Variants in TAX1BP1 observed in about 807,000 individuals in gnomAD.
TAX1BP1 encodes Tax1 binding protein 1.
TAX1BP1 carries 62 observed loss-of-function variants against 97.7 expected under a neutral mutation model. The observed-to-expected ratio is 0.63, with a 90% CI of 0.52 to 0.78. The LOEUF is 0.78. TAX1BP1 is among the 30% of genes least tolerant of loss of function. The pLI is 0.00. For synonymous variants in TAX1BP1, 340 were observed against 304.2 expected (o/e 1.12, Z -1.23); for missense variants, 867 against 916.1 (o/e 0.95, Z 0.69).
chr7:27,803,298 C>A, intron 13 of TAX1BP1: 1 of 1,018,004 alleles, frequency 9.8e-7, no homozygotes, highest in South Asian at 3.1e-5. Context: ...TTTAGGAAAA[C>A]AGTGAAATTT....
At chr7:27,799,831 A>G (rs1275628200) in intron 12 of TAX1BP1, 134 bp from the exon 13 acceptor site, 1 of 538,416 alleles carries the variant, frequency 1.9e-6, no homozygotes, top group African/African-American at 2.0e-5. Flanking sequence ...ATTAATAGAC[A>G]TTTGATTATT....
At chr7:27,747,747 A>T (rs1369040949) in intron 1 of TAX1BP1, among the ~76,000 whole-genome samples, 1 of 152,116 alleles carries the variant, frequency 6.6e-6, no homozygotes, top group Non-Finnish European at 1.5e-5. Context: ...TTCTGGTTGC[A>T]TACAGGATTG....
chr7:27,816,593 A>T lies in TAX1BP1; in HGVS notation c.1936+73A>T. Reference sequence around the variant, plus strand: ...TTTATGGTTTATATTTTCATGGATTAGCAAACTGCTGGTATAATCAACCCT... The same window carrying T: ...TTTATGGTTTATATTTTCATGGATTTGCAAACTGCTGGTATAATCAACCCT... On this transcript the variant is annotated intron_variant, in intron 14 of 16. Coordinates refer to ENST00000396319, the MANE Select transcript of TAX1BP1 (RefSeq NM_006024.7). The T allele has an allele frequency of 1.0e-5, 13 of 1,294,640 alleles. 1 individual carries two copies. The South Asian group carries it at 2.1e-4, about 21-fold the overall frequency. 80.2% of individuals were successfully genotyped at this position (1,294,640 alleles called of 1,614,324 possible).
chr7:27,785,551 G>C, intron 7 of TAX1BP1, 62 bp downstream of exon 7: 7 of 1,385,086 alleles, frequency 5.1e-6, no homozygotes, highest in Non-Finnish European at 7.0e-6. Flanking sequence ...CCAGAACTTA[G>C]GGGCTGTAGG....
chr7:27,750,376 GTAGGTA>G (rs1787976780), intron 2 of TAX1BP1, among the ~76,000 whole-genome samples: 1 of 152,216 alleles, frequency 6.6e-6, no homozygotes, highest in East Asian at 1.9e-4. Flanking sequence ...TGCCCAACCA[GTAGGTA>G]TAATGCAAAT....
rs374205722 is a variant in TAX1BP1 at position 27,827,855 on chromosome 7, A to G, written c.2168+35A>G. 5.0e-6 allele frequency: 8 copies of G among 1,590,100 alleles called. No individual in the cohort carries two copies. In the African/African-American group the frequency reaches 6.7e-5, roughly 13 times the overall value. On this transcript the variant is annotated intron_variant, in intron 16 of 16. Coordinates refer to ENST00000396319, the MANE Select transcript of TAX1BP1 (RefSeq NM_006024.7). ...TTCTTTACTTTGTAGAATTTGGGTT[A>G]TATCGGCCAGTGGTTCTCAAAGGTG...
At chr7:27,789,122 G>A (rs991576499) in intron 8 of TAX1BP1, among the ~76,000 whole-genome samples, 1 of 151,948 alleles carries the variant, frequency 6.6e-6, no homozygotes, top group African/African-American at 2.4e-5. Context: ...AACAATAAAT[G>A]TACTAAATAA....
chr7:27,793,267 A>G, intron 10 of TAX1BP1, 55 bp downstream of exon 10: 1 of 1,445,380 alleles, frequency 6.9e-7, no homozygotes, highest in South Asian at 1.4e-5. Context: ...TTTTTGTTCG[A>G]AAATCAAATT....
rs1223255490 is a variant in TAX1BP1, at chr7:27,828,641, A to G, written c.2182A>G (p.Lys728Glu). ...FCFDSSFDVH[K>E]KCPLCELMFP... Reference sequence around the variant, plus strand: ...TTTCTCTTTAAGCTTTGATGTTCACAAGAAGTGTCCCCTCTGTGAGTTAAT... The same window carrying G: ...TTTCTCTTTAAGCTTTGATGTTCACGAGAAGTGTCCCCTCTGTGAGTTAAT... The change falls in exon 17 of 17, where the codon AAG becomes GAG. Residue 728 changes from lysine to glutamate, a missense_variant. Around this residue, in one of 3 missense-constraint regions of TAX1BP1, gnomAD observed 822 missense variants for 851.4 expected, o/e 0.97. Transcript: ENST00000396319. 6.2e-7 allele frequency: 1 copy of G among 1,613,918 alleles called. No individual in the cohort carries two copies. Among genetic ancestry groups the G allele is most frequent in the East Asian group, 2.2e-5 (1 of 44,878 alleles).
At chr7:27,763,495 G>A (rs188776014) in intron 3 of TAX1BP1, among the ~76,000 whole-genome samples, 4 of 151,984 alleles carry the variant, frequency 2.6e-5, no homozygotes, top group African/African-American at 9.7e-5. Flanking sequence ...GGCCGGGCAC[G>A]GTGGCTCACA....
At chr7:27,802,286 G>GTTC (rs1790168333) in intron 13 of TAX1BP1, among the ~76,000 whole-genome samples, 2 of 152,092 alleles carry the variant, frequency 1.3e-5, no homozygotes, top group African/African-American at 4.8e-5. Flanking sequence ...TTTAGAGGTG[G>GTTC]GAAGGGTTTG....
chr7:27,748,722 C>T, intron 2 of TAX1BP1, 36 bp downstream of exon 2: 1 of 1,437,738 alleles, frequency 7.0e-7, no homozygotes. Context: ...TCCATGTAAA[C>T]ACTTAAAATT....
intron 5 of TAX1BP1, among the ~76,000 whole-genome samples, chr7:27,776,784 G>T: frequency 8.8e-6 from 1 of 113,974 alleles, no homozygotes; most frequent in African/African-American, 2.9e-5. Flanking sequence ...GCTTAAAGTT[G>T]TTTCAGAGTT....
intron 13 of TAX1BP1, among the ~76,000 whole-genome samples, chr7:27,812,429 G>T (rs1192698982): frequency 6.6e-6 from 1 of 152,014 alleles, no homozygotes; most frequent in African/African-American, 2.4e-5. Context: ...CTTCCAGTCT[G>T]TGATTTCTTT....
intron 12 of TAX1BP1, among the ~76,000 whole-genome samples, chr7:27,798,295 A>C (rs182116786): frequency 6.6e-6 from 1 of 151,942 alleles, no homozygotes; most frequent in African/African-American, 2.4e-5. Context: ...TTATGGACAT[A>C]TGTTTTTTTT....
rs188033445 is a variant in TAX1BP1 at position 27,740,712 on chromosome 7, G to A, written c.-8+443G>A. Among the ~76,000 whole-genome samples the A allele has an allele frequency of 3.0e-3, 457 of 152,350 alleles. 1 individual carries two copies. Among genetic ancestry groups the A allele is most frequent in the Non-Finnish European group, 4.5e-3 (304 of 68,024 alleles). On this transcript the variant is annotated intron_variant, in intron 1 of 16. Transcript: ENST00000396319. ...GCGCAGTAAGCTGAGAAAACACGTA[G>A]GTCGCGTCCGAGAAGGACGCTGGGG...
At chr7:27,794,589 G>C in intron 11 of TAX1BP1, 143 bp downstream of exon 11, 1 of 834,158 alleles carries the variant, frequency 1.2e-6, no homozygotes, top group Non-Finnish European at 1.8e-6. Flanking sequence ...AGAAAATAAG[G>C]GTATAAATGT....
intron 13 of TAX1BP1, among the ~76,000 whole-genome samples, chr7:27,812,248 T>C (rs904885924): frequency 6.6e-6 from 1 of 152,222 alleles, no homozygotes; most frequent in Non-Finnish European, 1.5e-5. Context: ...CCCTGATAAC[T>C]AGTGATGCTG....
Position 27,828,961 on chromosome 7 carries a change from C to A in TAX1BP1, c.*132C>A. The stretch of plus-strand genomic sequence containing the variant: ...CTTTACTGCACTTTCTGACCAGGAG[C>A]TACTTTGAGTTTGGTGTTACTAGGA... On this transcript the variant is annotated 3_prime_UTR_variant, in exon 17 of 17. Transcript: ENST00000396319. 2 of 661,216 alleles carry A rather than the reference C, an allele frequency of 3.0e-6. No homozygotes were observed. The highest frequency in any genetic ancestry group is 4.9e-6 in the Non-Finnish European group (2 of 409,270). 41.0% of individuals were successfully genotyped at this position (661,216 alleles called of 1,614,324 possible). A position where few individuals can be genotyped will look rare whatever the true frequency, so the allele number is the denominator to read the frequency against.
Sources: allele counts gnomAD v4.1 joint callset (sites outside exome capture counted in the v4.1 genomes callset), GRCh38; gene constraint gnomAD v4.1.1; regional missense constraint gnomAD v4.1.1; transcripts MANE v1.5; gene names NCBI Gene and HGNC (gene_info 2026-07-23, HGNC 2026-07-21).